SLC25A25: variants seen among roughly 807,000 people sequenced by gnomAD.
SLC25A25 encodes the protein mitochondrial adenyl nucleotide antiporter SLC25A25.
SLC25A25 carries 32 observed loss-of-function variants against 57.7 expected under a neutral mutation model. The ratio of observed to expected loss-of-function variants is 0.55; its 90% CI spans 0.42 to 0.74. SLC25A25 has a LOEUF of 0.74. Ranked by LOEUF, SLC25A25 falls within the 30% of genes least tolerant of loss-of-function variation. The probability of loss-of-function intolerance (pLI) is 0.00; values close to 1 mark genes in which losing one functional copy is unlikely to be tolerated. For synonymous variants in SLC25A25, 306 were observed against 291.2 expected (o/e 1.05, Z -0.52); for missense variants, 556 against 701.3 (o/e 0.79, Z 2.34).
At chr9:128,073,514 C>T (rs887127004) in intron 1 of SLC25A25, among the ~76,000 whole-genome samples, 1 of 152,100 alleles carries the variant, frequency 6.6e-6, no homozygotes, top group Non-Finnish European at 1.5e-5. Flanking sequence ...AATGTTTGGC[C>T]ATTTGTGGAT....
chr9:128,096,188 A>G (rs888470610), intron 1 of SLC25A25, among the ~76,000 whole-genome samples: 3 of 152,182 alleles, frequency 2.0e-5, no homozygotes, highest in African/African-American at 7.2e-5. Context: ...TTCAGCTTTT[A>G]TTTATAAATG....
intron 6 of SLC25A25, 145 bp from the exon 7 acceptor site, chr9:128,105,584 C>T (rs1375937554): frequency 8.2e-7 from 1 of 1,217,832 alleles, no homozygotes; most frequent in East Asian, 2.4e-5. Context: ...TTACTTTGGG[C>T]TCATGATTCC....
rs774890733 is a variant in SLC25A25, at chr9:128,101,894, A to G, written c.477-186A>G. The stretch of plus-strand genomic sequence containing the variant: ...TCTGTCCTGGCTGGACCTTCCGGAA[A>G]CCCTGCGGTCTGAACACTGGCTGGT... On this transcript the variant is annotated intron_variant, in intron 3 of 10. Coordinates refer to ENST00000373069, the MANE Select transcript of SLC25A25 (RefSeq NM_001330988.2). This position sits in a 1 kb window ranked among gnomAD's most constrained non-coding sequence, Gnocchi z 4.9. Among the ~76,000 whole-genome samples, 75 of 151,966 alleles carry G rather than the reference A, an allele frequency of 4.9e-4. No homozygotes were observed. Among genetic ancestry groups the G allele is most frequent in the Non-Finnish European group, 5.7e-4 (39 of 67,992 alleles).
rs770879666 is a variant in SLC25A25 at position 128,108,177 on chromosome 9, A to G, written c.*733A>G. The G allele has an allele frequency of 2.3e-4, 91 of 399,050 alleles. No individual in the cohort carries two copies. Among genetic ancestry groups the G allele is most frequent in the Non-Finnish European group, 3.4e-4 (78 of 226,206 alleles). 24.7% of individuals were successfully genotyped at this position (399,050 alleles called of 1,614,324 possible). ...CTGAGCTGGCCTGGACCCTGTCAGG[A>G]TGGGCCCCACCTCAGAACCAAACTC... is the stretch of plus-strand genomic sequence containing the variant. On this transcript the variant is annotated 3_prime_UTR_variant, in exon 11 of 11. Transcript: ENST00000373069.
chr9:128,079,606 A>G (rs7851496), intron 1 of SLC25A25, among the ~76,000 whole-genome samples: 22,100 of 135,386 alleles, frequency 0.16, 1,436 homozygotes, highest in South Asian at 0.26. Context: ...AAAAATACAA[A>G]AAAAAAAAAA....
At chr9:128,074,207 C>A (rs968194189) in intron 1 of SLC25A25, among the ~76,000 whole-genome samples, 42 of 151,722 alleles carry the variant, frequency 2.8e-4, no homozygotes, top group African/African-American at 9.9e-4. Flanking sequence ...GTCAGGCTAA[C>A]TTTTTTGTAT....
Position 128,068,592 on chromosome 9 carries a change from G to T in SLC25A25, c.261+12G>T, listed in dbSNP as rs574265155. On this transcript the variant is annotated intron_variant, in intron 1 of 10. Transcript: ENST00000373069. ...AGGGCGAGCTCCAGGTAGGCTGCGC[G>T]CGTCCTCAGCACTGGCGGGGAGGGA... 5.7e-6 allele frequency: 8 copies of T among 1,414,910 alleles called. No individual in the cohort carries two copies. Among genetic ancestry groups the T allele is most frequent in the South Asian group, 3.1e-5 (2 of 64,550 alleles). 87.6% of individuals were successfully genotyped at this position (1,414,910 alleles called of 1,614,324 possible).
At chr9:128,091,573 A>T in intron 1 of SLC25A25, 1 of 1,048,092 alleles carries the variant, frequency 9.5e-7, no homozygotes, top group Non-Finnish European at 1.1e-6. Flanking sequence ...AAAAAAAGCC[A>T]AACGTTTGCT....
rs754478157 is a variant in SLC25A25, at chr9:128,103,710, C to T, written c.654C>T (p.Val218=). The change falls in exon 6 of 11, where the codon GTC becomes GTT. Residue 218 remains valine, a synonymous_variant. Coordinates refer to ENST00000373069, the MANE Select transcript of SLC25A25 (RefSeq NM_001330988.2). This position sits in a 1 kb window ranked among gnomAD's most constrained non-coding sequence, Gnocchi z 6.7. The part of the protein sequence containing the change: ...TIFDVGENLT[V]PDEFTVEERQ... The stretch of plus-strand genomic sequence containing the variant: ...TTGATGTGGGTGAGAATCTAACGGT[C>T]CCGGATGAGTTCACAGTGGAGGAGA... 6.2e-7 allele frequency: 1 copy of T among 1,614,164 alleles called. No individual in the cohort carries two copies. Among genetic ancestry groups the T allele is most frequent in the Non-Finnish European group, 8.5e-7 (1 of 1,180,032 alleles).
At chr9:128,081,468 T>C (rs1456441658) in intron 1 of SLC25A25, among the ~76,000 whole-genome samples, 7 of 152,080 alleles carry the variant, frequency 4.6e-5, no homozygotes, top group Admixed American at 4.6e-4. Context: ...ATGGACGAAT[T>C]GTGTGGCTCC....
At chr9:128,105,701 CGTCT>C in intron 6 of SLC25A25, 24 bp from the exon 7 acceptor site, 2 of 1,611,678 alleles carry the variant, frequency 1.2e-6, no homozygotes, top group Non-Finnish European at 1.7e-6. Context: ...CCCCCGGGTC[CGTCT>C]GACTGTTCGG....
At chr9:128,088,036 A>C (rs1833316202) in intron 1 of SLC25A25, among the ~76,000 whole-genome samples, 1 of 152,178 alleles carries the variant, frequency 6.6e-6, no homozygotes, top group South Asian at 2.1e-4. Context: ...ATTATGGGTC[A>C]CCTTTTCCTG....
At position 128,103,525 on chromosome 9, in the gene SLC25A25, G is replaced by A. The variant is rs907238720; in HGVS notation, c.625-156G>A. Among the ~76,000 whole-genome samples the A allele has an allele frequency of 6.6e-6, 1 of 152,220 alleles. No individual in the cohort carries two copies. Among genetic ancestry groups the A allele is most frequent in the Non-Finnish European group, 1.5e-5 (1 of 68,028 alleles). On this transcript the variant is annotated intron_variant, in intron 5 of 10. Transcript: ENST00000373069. This position sits in a 1 kb window ranked among gnomAD's most constrained non-coding sequence, Gnocchi z 6.7. ...AGAGCTCTGCTACCTTCAGAGTGAA[G>A]GGAAAGACCCCAGCCCGCTTCCCAC...
Position 128,091,238 on chromosome 9 carries a change from A to G in SLC25A25, c.262-9858A>G, listed in dbSNP as rs1213809302. The G allele has an allele frequency of 4.6e-5, 8 of 172,370 alleles. No individual in the cohort carries two copies. The Admixed American group carries it at 5.2e-4, about 11-fold the overall frequency. The allele number at this position is 172,370 out of a possible 1,614,324, so 10.7% of individuals were successfully genotyped here. ...TGGAGGGCAGGGAGTTACTTTTGCT[A>G]CGGAGCCAGCTCAGAGTGGATTCTG... On this transcript the variant is annotated intron_variant, in intron 1 of 10. Transcript: ENST00000373069.
chr9:128,105,171 T>C (rs1020458058), intron 6 of SLC25A25, among the ~76,000 whole-genome samples: 5 of 137,430 alleles, frequency 3.6e-5, no homozygotes, highest in Non-Finnish European at 6.2e-5. Context: ...TTTTTTTTTT[T>C]TTTTTTTTTT....
chr9:128,102,326 GATGGGCAT>G lies in SLC25A25; in HGVS notation c.513-43_513-36del, dbSNP rs752552226. 3.1e-5 allele frequency: 48 copies of G among 1,557,544 alleles called. 2 individuals are homozygous for G. In the South Asian group the frequency reaches 5.4e-4, roughly 17 times the overall value. On this transcript the variant is annotated intron_variant, in intron 4 of 10. Transcript: ENST00000373069. This position sits in a 1 kb window ranked among gnomAD's most constrained non-coding sequence, Gnocchi z 4.1. ...GGGAGGTGGGGGGATGCAGCTGGCG[GATGGGCAT>G]GTGGGCACGTGGGCAGCCTCGCCTC...
At chr9:128,098,914 T>A in intron 1 of SLC25A25, 1 of 985,458 alleles carries the variant, frequency 1.0e-6, no homozygotes, top group South Asian at 4.7e-5. Context: ...TCATGTGACT[T>A]CCCAGGAAGG....
At chr9:128,091,352 G>T in intron 1 of SLC25A25, 7 of 824,290 alleles carry the variant, frequency 8.5e-6, no homozygotes, top group Non-Finnish European at 1.0e-5. Context: ...GTGATTGGAG[G>T]GCTGGTGCTG....
chr9:128,070,084 ATTTTT>A (rs71381724), intron 1 of SLC25A25, among the ~76,000 whole-genome samples: 2 of 6,360 alleles, frequency 3.1e-4, no homozygotes, highest in African/African-American at 3.8e-4. Flanking sequence ...CACCCAGCTA[ATTTTT>A]TTTTTTTTTT....
Sources: gnomAD v4.1 joint callset for allele counts (sites outside exome capture counted in the v4.1 genomes callset) on GRCh38, gnomAD v4.1.1 for gene constraint, Gnocchi (gnomAD v3.1) non-coding constraint, MANE v1.5 for transcripts, NCBI Gene and HGNC (gene_info 2026-07-23, HGNC 2026-07-21) for gene names.